Variants in LPP observed in about 807,000 individuals in gnomAD.
LPP encodes the protein LIM domain containing preferred translocation partner in lipoma.
LPP carries 38 observed loss-of-function variants against 60.4 expected under a neutral mutation model. The ratio of observed to expected loss-of-function variants is 0.63; its 90% CI spans 0.49 to 0.83. The LOEUF (loss-of-function observed/expected upper bound fraction) is 0.83. Among genes scored for constraint, LPP ranks in the 40% least tolerant of loss-of-function variants. LPP has a pLI of 0.00. For missense variants in LPP, 902 were observed against 783.6 expected (o/e 1.15, Z -1.80); for synonymous variants, 328 against 290.8 (o/e 1.13, Z -1.30).
At chr3:188,657,786 G>A (rs1853627263) in intron 7 of LPP, among the ~76,000 whole-genome samples, 1 of 152,000 alleles carries the variant, frequency 6.6e-6, no homozygotes, top group Non-Finnish European at 1.5e-5. Context: ...ATATATATAA[G>A]TTGGCTAAGC....
chr3:188,449,615 A>C (rs2149336799), intron 4 of LPP, among the ~76,000 whole-genome samples: 1 of 152,262 alleles, frequency 6.6e-6, no homozygotes, highest in Non-Finnish European at 1.5e-5. Flanking sequence ...ATACCTGGTG[A>C]GTCAGTAGCT....
At chr3:188,585,080 A>G (rs1402763804) in intron 6 of LPP, among the ~76,000 whole-genome samples, 1 of 152,224 alleles carries the variant, frequency 6.6e-6, no homozygotes, top group Non-Finnish European at 1.5e-5. Context: ...CTCAGAGCTC[A>G]TGTTTCAGAT....
At chr3:188,335,521 T>G (rs1761397875) in intron 2 of LPP, among the ~76,000 whole-genome samples, 1 of 152,208 alleles carries the variant, frequency 6.6e-6, no homozygotes, top group South Asian at 2.1e-4. Context: ...CTTGTCTGGT[T>G]TTGGTATGAG....
In LPP at chr3:188,285,732, A is replaced by T. The variant is rs541481538; in HGVS notation, c.-66-55931A>T. On this transcript the variant is annotated intron_variant, in intron 2 of 11. Transcript: ENST00000617246. ...TTTAATATTCTGCCCTGTGCAAAGC[A>T]CCAGCACCAACAGCCTCCCTCCCAC... is the stretch of plus-strand genomic sequence containing the variant. Among the ~76,000 whole-genome samples, 3 of 152,226 alleles carry T rather than the reference A, an allele frequency of 2.0e-5. No individual in the cohort carries two copies. The South Asian group carries it at 6.2e-4, about 32-fold the overall frequency.
intron 9 of LPP, among the ~76,000 whole-genome samples, chr3:188,797,184 A>G (rs528464788): frequency 6.6e-6 from 1 of 151,832 alleles, no homozygotes; most frequent in Admixed American, 6.6e-5. Flanking sequence ...GCAGGGCTCT[A>G]TGCAGCTGGT....
chr3:188,388,268 A>C (rs976193258), intron 3 of LPP, among the ~76,000 whole-genome samples: 1 of 152,230 alleles, frequency 6.6e-6, no homozygotes, highest in African/African-American at 2.4e-5. Context: ...GGAAACATAG[A>C]GGTTGTTAAG....
At chr3:188,491,012 C>A (rs1203091720) in intron 5 of LPP, among the ~76,000 whole-genome samples, 1 of 152,030 alleles carries the variant, frequency 6.6e-6, no homozygotes, top group African/African-American at 2.4e-5. Context: ...CCGCCTGCCT[C>A]AGCCTCCCAA....
At chr3:188,763,731 T>G (rs908872472) in intron 9 of LPP, among the ~76,000 whole-genome samples, 2 of 152,150 alleles carry the variant, frequency 1.3e-5, no homozygotes, top group African/African-American at 4.8e-5. Flanking sequence ...TTTAAAACCA[T>G]TTGCCAGTCA....
chr3:188,484,223 A>T (rs1035408255), intron 4 of LPP, among the ~76,000 whole-genome samples: 1 of 152,136 alleles, frequency 6.6e-6, no homozygotes, highest in Admixed American at 6.5e-5. Flanking sequence ...ACCTTGTGTT[A>T]TCTTTAGTTT....
rs534423114 is a variant in LPP, at chr3:188,827,266, T to G, written c.1411-38934T>G. ...CCTAGGACTCATACCTCATCTGACA[T>G]CCAACACCACATGTTCTTTTGAAAT... On this transcript the variant is annotated intron_variant, in intron 9 of 11. Transcript: ENST00000617246. Among the ~76,000 whole-genome samples the G allele has an allele frequency of 3.9e-5, 6 of 152,236 alleles. No individual in the cohort carries two copies. In the South Asian group the frequency reaches 1.2e-3, roughly 32 times the overall value.
chr3:188,851,985 G>A (rs1239989128), intron 9 of LPP, among the ~76,000 whole-genome samples: 2 of 152,102 alleles, frequency 1.3e-5, no homozygotes, highest in Admixed American at 6.5e-5. Flanking sequence ...CTGACATGGC[G>A]AAAACCTGTC....
intron 6 of LPP, among the ~76,000 whole-genome samples, chr3:188,581,085 T>C (rs1398754328): frequency 6.6e-6 from 1 of 152,098 alleles, no homozygotes; most frequent in East Asian, 1.9e-4. Context: ...ATTGAATAAA[T>C]GGAGACTTTA....
intron 6 of LPP, among the ~76,000 whole-genome samples, chr3:188,532,714 A>G (rs761811272): frequency 7.2e-5 from 11 of 152,140 alleles, no homozygotes; most frequent in Non-Finnish European, 1.2e-4. Context: ...GGGCAGGGTA[A>G]CTACACTCCA....
At chr3:188,575,221 CAGA>C (rs1580093462) in intron 6 of LPP, among the ~76,000 whole-genome samples, 1 of 152,236 alleles carries the variant, frequency 6.6e-6, no homozygotes, top group East Asian at 1.9e-4. Flanking sequence ...GTGCTCTTTT[CAGA>C]AGCTTTCAGG....
At chr3:188,872,880 C>A in intron 11 of LPP, 117 bp downstream of exon 11, 2 of 1,325,604 alleles carry the variant, frequency 1.5e-6, no homozygotes, top group Non-Finnish European at 2.1e-6. Flanking sequence ...TGCCTGTACT[C>A]ATAGGACTTG....
At chr3:188,626,187 C>T (rs541926703) in intron 7 of LPP, among the ~76,000 whole-genome samples, 10 of 152,162 alleles carry the variant, frequency 6.6e-5, no homozygotes, top group African/African-American at 2.2e-4. Context: ...AGGCTGCATT[C>T]AGAATTCAAC....
At chr3:188,343,956 T>G (rs1159776970) in intron 3 of LPP, among the ~76,000 whole-genome samples, 1 of 152,246 alleles carries the variant, frequency 6.6e-6, no homozygotes, top group Non-Finnish European at 1.5e-5. Context: ...TGTTTTTCTC[T>G]GCTCTCAACG....
intron 3 of LPP, among the ~76,000 whole-genome samples, chr3:188,359,902 C>T (rs78542111): frequency 0.026 from 3,976 of 152,210 alleles, 177 homozygotes; most frequent in African/African-American, 0.093. Context: ...ACCTAAAACT[C>T]GATCTGGGTT....
intron 9 of LPP, among the ~76,000 whole-genome samples, chr3:188,791,840 A>G (rs1743864897): frequency 6.6e-6 from 1 of 151,952 alleles, no homozygotes; most frequent in African/African-American, 2.4e-5. Context: ...TTTTTTTAGT[A>G]TAGATTTTGG....
Sources: allele counts gnomAD v4.1 joint callset (sites outside exome capture counted in the v4.1 genomes callset), GRCh38; gene constraint gnomAD v4.1.1; transcripts MANE v1.5; gene names NCBI Gene and HGNC (gene_info 2026-07-23, HGNC 2026-07-21).